TXLNB: variants seen among roughly 807,000 people sequenced by gnomAD.
The protein encoded by TXLNB is beta-taxilin.
In TXLNB, 37 loss-of-function variants were observed where a neutral mutation model predicts 57.4. The ratio of observed to expected loss-of-function variants is 0.64; its 90% CI spans 0.50 to 0.85. TXLNB has a LOEUF of 0.85. TXLNB is among the 40% of genes least tolerant of loss of function. The pLI is 0.00. For missense variants in TXLNB, 848 were observed against 825.6 expected, an observed-to-expected ratio of 1.03 and a Z score of -0.33; for synonymous variants, 302 against 309.6, an observed-to-expected ratio of 0.98 and a Z score of 0.26.
the TXLNB span, among the ~76,000 whole-genome samples, chr6:139,210,585 C>A: frequency 6.6e-6 from 1 of 152,340 alleles, no homozygotes; most frequent in African/African-American, 2.4e-5. Flanking sequence ...TTCTGCATTT[C>A]CAACTGAGGT....
chr6:139,168,657 T>C, the TXLNB span, among the ~76,000 whole-genome samples: 2 of 152,128 alleles, frequency 1.3e-5, no homozygotes, highest in African/African-American at 4.8e-5. Flanking sequence ...TTCTGTCCTA[T>C]TTTTAAAAAT....
At chr6:139,190,352 C>G in the TXLNB span, among the ~76,000 whole-genome samples, 1 of 144,622 alleles carries the variant, frequency 6.9e-6, no homozygotes, top group African/African-American at 2.6e-5. Flanking sequence ...CTTTATTGCC[C>G]AGGCTGGAGT....
At chr6:139,186,836 TAAAGTG>T in the TXLNB span, among the ~76,000 whole-genome samples, 18 of 152,102 alleles carry the variant, frequency 1.2e-4, no homozygotes, top group African/African-American at 3.9e-4. Context: ...TCAAAATAAT[TAAAGTG>T]AAAGAAGCCA....
At chr6:139,191,334 G>A in the TXLNB span, among the ~76,000 whole-genome samples, 2 of 152,142 alleles carry the variant, frequency 1.3e-5, no homozygotes, top group Admixed American at 6.5e-5. Context: ...CAGAAGAATC[G>A]CTTGAACCTG....
At chr6:139,194,902 C>T in the TXLNB span, among the ~76,000 whole-genome samples, 5,446 of 152,318 alleles carry the variant, frequency 0.036, 112 homozygotes, top group Non-Finnish European at 0.049. Flanking sequence ...AAATACCAGG[C>T]GTGTTGCCAC....
At chr6:139,227,533 A>C in the TXLNB span, among the ~76,000 whole-genome samples, 2 of 152,236 alleles carry the variant, frequency 1.3e-5, no homozygotes, top group South Asian at 4.1e-4. Flanking sequence ...CTATATCTGA[A>C]ATAGACACAT....
the TXLNB span, among the ~76,000 whole-genome samples, chr6:139,227,993 A>T: frequency 1.3e-5 from 2 of 152,228 alleles, no homozygotes; most frequent in Non-Finnish European, 2.9e-5. Context: ...CTTTGTAATA[A>T]ATCATCATTT....
chr6:139,294,463 C>T (rs909697438), upstream of TXLNB, among the ~76,000 whole-genome samples: 1 of 151,952 alleles, frequency 6.6e-6, no homozygotes, highest in Admixed American at 6.6e-5. Context: ...AATCATAAAC[C>T]CCCAGGTGAT....
chr6:139,319,178 G>A, the TXLNB span, among the ~76,000 whole-genome samples: 5 of 151,720 alleles, frequency 3.3e-5, no homozygotes, highest in Middle Eastern at 0.014. Flanking sequence ...TCCTGACCTC[G>A]TGATCTGCCC....
intron 6 of TXLNB, 129 bp downstream of exon 6, chr6:139,260,189 C>T: frequency 8.7e-7 from 1 of 1,143,064 alleles, no homozygotes; most frequent in South Asian, 1.8e-5. Context: ...CACTGCATTT[C>T]AGCCTGAATG....
intron 6 of TXLNB, 69 bp from the exon 7 acceptor site, chr6:139,255,707 T>G: frequency 7.6e-7 from 1 of 1,311,406 alleles, no homozygotes; most frequent in Non-Finnish European, 1.1e-6. Flanking sequence ...GGCTGTAATT[T>G]GTCTACAAAA....
intron 2 of TXLNB, among the ~76,000 whole-genome samples, chr6:139,283,949 A>C (rs1777114185): frequency 6.8e-6 from 1 of 146,014 alleles, no homozygotes; most frequent in Admixed American, 6.7e-5. Flanking sequence ...ATAGGTTATA[A>C]AAGGAGACCA....
At chr6:139,318,009 G>A in the TXLNB span, among the ~76,000 whole-genome samples, 7 of 151,896 alleles carry the variant, frequency 4.6e-5, no homozygotes, top group Non-Finnish European at 5.9e-5. Flanking sequence ...GGTGGCTCAC[G>A]CCTGTAATCC....
intron 4 of TXLNB, among the ~76,000 whole-genome samples, chr6:139,263,573 A>G (rs1776540185): frequency 6.6e-6 from 1 of 152,170 alleles, no homozygotes; most frequent in Non-Finnish European, 1.5e-5. Context: ...TAACTTTTAT[A>G]TCATTTCTGT....
the TXLNB span, among the ~76,000 whole-genome samples, chr6:139,315,409 T>TGA: frequency 6.6e-6 from 1 of 152,120 alleles, no homozygotes; most frequent in Non-Finnish European, 1.5e-5. Context: ...GCAGGCAAGG[T>TGA]GAACCCATTG....
the TXLNB span, among the ~76,000 whole-genome samples, chr6:139,190,305 C>CTTTTTTTTT: frequency 7.8e-4 from 85 of 108,832 alleles, no homozygotes; most frequent in Non-Finnish European, 9.1e-4. Context: ...TTCTTTCTTT[C>CTTTTTTTTT]TTTCTTTTTT....
chr6:139,270,958 T>C (rs1776746456), intron 3 of TXLNB, among the ~76,000 whole-genome samples: 1 of 152,212 alleles, frequency 6.6e-6, no homozygotes. Context: ...TCAGAATCTG[T>C]AAACTGCCAG....
chr6:139,301,162 G>A, the TXLNB span, among the ~76,000 whole-genome samples: 1 of 152,140 alleles, frequency 6.6e-6, no homozygotes, highest in Admixed American at 6.5e-5. Flanking sequence ...CTCAACTTGG[G>A]ACCTTGATAC....
chr6:139,291,289 T>C (rs1777296074), intron 1 of TXLNB, among the ~76,000 whole-genome samples: 2 of 152,206 alleles, frequency 1.3e-5, no homozygotes, highest in Non-Finnish European at 2.9e-5. Context: ...CTTAAATCCA[T>C]ACATGGGTTT....
Sources: gnomAD v4.1 joint callset for allele counts (sites outside exome capture counted in the v4.1 genomes callset) on GRCh38, gnomAD v4.1.1 for gene constraint, MANE v1.5 for transcripts, NCBI Gene and HGNC (gene_info 2026-07-23, HGNC 2026-07-21) for gene names.